WDR25: variants seen among roughly 807,000 people sequenced by gnomAD.
WDR25 encodes the protein WD repeat domain 25.
WDR25 carries 35 observed loss-of-function variants against 47.7 expected under a neutral mutation model. That is an observed-to-expected ratio of 0.73 (90% confidence interval 0.56 to 0.97). The LOEUF is 0.97. WDR25 is among the 50% of genes least tolerant of loss of function. The probability of loss-of-function intolerance (pLI) is 0.00; values close to 1 mark genes in which losing one functional copy is unlikely to be tolerated. For missense variants in WDR25, 634 were observed against 704.7 expected, an observed-to-expected ratio of 0.90 and a Z score of 1.14; for synonymous variants, 248 against 278.9, an observed-to-expected ratio of 0.89 and a Z score of 1.10.
chr14:100,402,337 C>T (rs1420154420), intron 2 of WDR25, among the ~76,000 whole-genome samples: 2 of 151,960 alleles, frequency 1.3e-5, no homozygotes, highest in South Asian at 4.1e-4. Flanking sequence ...AGACACACTC[C>T]CCCACTTTTC....
rs183901771 is a variant in WDR25 at position 100,469,146 on chromosome 14, C to T, written c.970+978C>T. ...GGCCAGCATCTTGCCTGCCTAGCCC[C>T]GCAGTGGTGGTGGCTCTGGGCCCTG... On this transcript the variant is annotated intron_variant, in intron 3 of 6. Transcript: ENST00000402312. Among the ~76,000 whole-genome samples the T allele has an allele frequency of 3.7e-4, 56 of 152,204 alleles. No homozygotes were observed. The South Asian group carries it at 9.1e-3, about 25-fold the overall frequency.
At chr14:100,477,783 T>A (rs976492832) in intron 3 of WDR25, among the ~76,000 whole-genome samples, 1 of 152,120 alleles carries the variant, frequency 6.6e-6, no homozygotes, top group African/African-American at 2.4e-5. Flanking sequence ...TCTGTGGAGG[T>A]TATTGCTATT....
chr14:100,453,050 G>A (rs116478173), intron 2 of WDR25, among the ~76,000 whole-genome samples: 126 of 152,216 alleles, frequency 8.3e-4, no homozygotes, highest in African/African-American at 3.0e-3. Context: ...TGGGTTGACA[G>A]AGCTGACGAG....
chr14:100,419,590 CAGCCTGGTGTTTTCATTT>C (rs1487027510), intron 2 of WDR25, among the ~76,000 whole-genome samples: 1 of 152,152 alleles, frequency 6.6e-6, no homozygotes, highest in African/African-American at 2.4e-5. Flanking sequence ...GAAGTTTTGG[CAGCCTGGTGTTTTCATTT>C]AGAAAGCCGA....
rs1201105607 is a variant in WDR25, at chr14:100,449,020, C to T, written c.823-19001C>T. 3.3e-5 allele frequency among the ~76,000 whole-genome samples: 5 copies of T among 152,000 alleles called. No individual in the cohort carries two copies. Among genetic ancestry groups the T allele is most frequent in the Admixed American group, 6.5e-5 (1 of 15,270 alleles). On this transcript the variant is annotated intron_variant, in intron 2 of 6. Coordinates refer to ENST00000402312, the MANE Select transcript of WDR25 (RefSeq NM_001161476.3). The surrounding 1 kb of genome is among the most constrained non-coding windows in gnomAD (Gnocchi z 4.2). ...GCACCTAGAAAGTGGCGTGCAAGGA[C>T]GATCGTGATGGGAGATGAGGCTGGG...
rs940934519 is a variant in WDR25 at position 100,484,223 on chromosome 14, A to G, written c.1101+99A>G. 6.0e-6 allele frequency: 8 copies of G among 1,326,166 alleles called. No individual in the cohort carries two copies. The African/African-American group carries it at 8.9e-5, about 15-fold the overall frequency. The allele number at this position is 1,326,166 out of a possible 1,614,324, so 82.1% of individuals were successfully genotyped here. Reference sequence around the variant, plus strand: ...TCAGCATCTATATATAGGACCCTTGAGGTGGAATAATTACCACTTAATATT... The same window carrying G: ...TCAGCATCTATATATAGGACCCTTGGGGTGGAATAATTACCACTTAATATT... On this transcript the variant is annotated intron_variant, in intron 4 of 6. Coordinates refer to ENST00000402312, the MANE Select transcript of WDR25 (RefSeq NM_001161476.3).
At chr14:100,493,571 C>T (rs975400300) in intron 4 of WDR25, among the ~76,000 whole-genome samples, 1 of 152,134 alleles carries the variant, frequency 6.6e-6, no homozygotes, top group Non-Finnish European at 1.5e-5. Flanking sequence ...GCACAACCTC[C>T]CCATAATCAT....
chr14:100,393,930 G>C (rs1039852257), intron 2 of WDR25, among the ~76,000 whole-genome samples: 1 of 152,170 alleles, frequency 6.6e-6, no homozygotes, highest in Non-Finnish European at 1.5e-5. Context: ...CACACACTGC[G>C]TATTCAAAAG....
intron 2 of WDR25, among the ~76,000 whole-genome samples, chr14:100,458,101 C>A (rs1205869018): frequency 1.3e-5 from 2 of 152,036 alleles, no homozygotes; most frequent in African/African-American, 4.8e-5. Flanking sequence ...ATTTGAAAGA[C>A]AAAGATTGTT....
intron 5 of WDR25, among the ~76,000 whole-genome samples, chr14:100,526,421 A>G (rs1269443450): frequency 6.6e-6 from 1 of 152,058 alleles, no homozygotes; most frequent in Non-Finnish European, 1.5e-5. Flanking sequence ...GTAGCCCAGG[A>G]GTTCAGAGCA....
intron 4 of WDR25, among the ~76,000 whole-genome samples, chr14:100,504,333 T>C (rs1246848735): frequency 1.3e-5 from 2 of 152,262 alleles, no homozygotes; most frequent in African/African-American, 4.8e-5. Context: ...GTCTCTTAAG[T>C]CTATAGATTT....
rs973504743 is a variant in WDR25, at chr14:100,482,942, G to A, written c.971-1052G>A. 6.6e-5 allele frequency among the ~76,000 whole-genome samples: 10 copies of A among 152,192 alleles called. 1 individual carries two copies. The highest frequency in any genetic ancestry group is 4.1e-4 in the South Asian group (2 of 4,828). ...GGGAGCCCTTGTGGCACCTCTGAGCGAAGCCTCCTCCATGTTTCTGGCTGG... is the reference window on the plus strand; with the variant it reads ...GGGAGCCCTTGTGGCACCTCTGAGCAAAGCCTCCTCCATGTTTCTGGCTGG... On this transcript the variant is annotated intron_variant, in intron 3 of 6. Coordinates refer to ENST00000402312, the MANE Select transcript of WDR25 (RefSeq NM_001161476.3).
At chr14:100,434,817 CT>C (rs1898451218) in intron 2 of WDR25, among the ~76,000 whole-genome samples, 1 of 152,270 alleles carries the variant, frequency 6.6e-6, no homozygotes, top group Admixed American at 6.5e-5. Flanking sequence ...TTCTATGTTT[CT>C]TTTTGCTTTA....
Position 100,439,587 on chromosome 14 carries a change from G to T in WDR25, c.823-28434G>T, listed in dbSNP as rs184226603. 2.1e-4 allele frequency among the ~76,000 whole-genome samples: 32 copies of T among 152,288 alleles called. No individual in the cohort carries two copies. In the East Asian group the frequency reaches 6.2e-3, roughly 29 times the overall value. On this transcript the variant is annotated intron_variant, in intron 2 of 6. Coordinates refer to ENST00000402312, the MANE Select transcript of WDR25 (RefSeq NM_001161476.3). ...GGGGCTGCTGAAAAAGCGTCACCTG[G>T]ATTTCTCCTTGGAGACAGAACTCTC...
At chr14:100,391,182 G>A (rs1216447535) in intron 2 of WDR25, among the ~76,000 whole-genome samples, 1 of 151,766 alleles carries the variant, frequency 6.6e-6, no homozygotes, top group African/African-American at 2.4e-5. Context: ...CTTTGTAATT[G>A]TCCATGGCTC....
At chr14:100,519,703 GTA>G (rs1227826156) in intron 4 of WDR25, among the ~76,000 whole-genome samples, 5 of 139,684 alleles carry the variant, frequency 3.6e-5, no homozygotes, top group African/African-American at 1.3e-4. Context: ...TCTATATATA[GTA>G]TATATAGTGT....
rs1227950406 is a variant in WDR25 at position 100,449,422 on chromosome 14, C to T, written c.823-18599C>T. Reference sequence around the variant, plus strand: ...TGCCATGGCAGCAGGACATGAGCAACCTGACTTTCTGAGAGTGGTCACCTC... The same window carrying T: ...TGCCATGGCAGCAGGACATGAGCAATCTGACTTTCTGAGAGTGGTCACCTC... On this transcript the variant is annotated intron_variant, in intron 2 of 6. Coordinates refer to ENST00000402312, the MANE Select transcript of WDR25 (RefSeq NM_001161476.3). The surrounding 1 kb of genome is among the most constrained non-coding windows in gnomAD (Gnocchi z 4.2). Among the ~76,000 whole-genome samples, 2 of 152,196 alleles carry T rather than the reference C, an allele frequency of 1.3e-5. No individual in the cohort carries two copies. Among genetic ancestry groups the T allele is most frequent in the African/African-American group, 4.8e-5 (2 of 41,456 alleles).
intron 4 of WDR25, among the ~76,000 whole-genome samples, chr14:100,508,622 G>A (rs1316467731): frequency 6.6e-6 from 1 of 152,114 alleles, no homozygotes; most frequent in Admixed American, 6.5e-5. Context: ...GTATTACAAT[G>A]ACTAGAACTT....
chr14:100,490,875 G>A (rs892698838), intron 4 of WDR25, among the ~76,000 whole-genome samples: 1 of 152,192 alleles, frequency 6.6e-6, no homozygotes, highest in African/African-American at 2.4e-5. Context: ...TCTTTCATCT[G>A]TTTTATATTA....
Sources: allele counts gnomAD v4.1 joint callset (sites outside exome capture counted in the v4.1 genomes callset), GRCh38; gene constraint gnomAD v4.1.1; non-coding constraint Gnocchi (gnomAD v3.1); transcripts MANE v1.5; gene names NCBI Gene and HGNC (gene_info 2026-07-23, HGNC 2026-07-21).